LANCL2: variants seen among roughly 807,000 people sequenced by gnomAD.
The protein encoded by LANCL2 is lanC-like protein 2.
LANCL2 carries 33 observed loss-of-function variants against 56.9 expected under a neutral mutation model. That is an observed-to-expected ratio of 0.58 (90% CI 0.44 to 0.78). LANCL2 has a LOEUF of 0.78. Among genes scored for constraint, LANCL2 ranks in the 30% least tolerant of loss-of-function variants. The pLI is 0.00. For missense variants in LANCL2, 562 were observed against 580.2 expected, an observed-to-expected ratio of 0.97 and a Z score of 0.32; for synonymous variants, 233 against 228.2, an observed-to-expected ratio of 1.02 and a Z score of -0.19.
intron 5 of LANCL2, among the ~76,000 whole-genome samples, chr7:55,404,015 G>C (rs1356832979): frequency 6.6e-6 from 1 of 152,172 alleles, no homozygotes. Flanking sequence ...CTTGCTGTCA[G>C]TTGTCTTCTG....
rs1424081264 is a variant in LANCL2 at position 55,432,404 on chromosome 7, C to T, written c.*1084C>T. ...ATGAGAAACATAATGTTCTAACCAA[C>T]AACATTATGGTATTTGTGTGACTTT... On this transcript the variant is annotated 3_prime_UTR_variant, in exon 9 of 9. Transcript: ENST00000254770. The T allele has an allele frequency of 2.0e-5, 3 of 152,186 alleles. No homozygotes were observed. Among genetic ancestry groups the T allele is most frequent in the Non-Finnish European group, 4.4e-5 (3 of 68,024 alleles). The allele number at this position is 152,186 out of a possible 1,614,324, so 9.4% of individuals were successfully genotyped here. A position where few individuals can be genotyped will look rare whatever the true frequency, so the allele number is the denominator to read the frequency against.
intron 2 of LANCL2, among the ~76,000 whole-genome samples, chr7:55,392,869 T>C (rs1459789393): frequency 1.3e-5 from 2 of 152,214 alleles, no homozygotes. Context: ...AAGGATTCTT[T>C]GCTGCTCTGG....
intron 1 of LANCL2, among the ~76,000 whole-genome samples, chr7:55,380,077 A>G (rs1790049440): frequency 6.6e-6 from 1 of 152,260 alleles, no homozygotes; most frequent in Non-Finnish European, 1.5e-5. Context: ...ATTACCTTGA[A>G]TAACATTTAA....
At chr7:55,416,586 CTT>C (rs1644318913) in intron 6 of LANCL2, among the ~76,000 whole-genome samples, 1 of 151,962 alleles carries the variant, frequency 6.6e-6, no homozygotes, top group South Asian at 2.1e-4. Context: ...CAGCCTGTCT[CTT>C]CGTGTGTTTT....
chr7:55,414,057 AATT>A (rs1242577007), intron 6 of LANCL2, among the ~76,000 whole-genome samples: 1 of 152,236 alleles, frequency 6.6e-6, no homozygotes, highest in Non-Finnish European at 1.5e-5. Context: ...AAATATGTAC[AATT>A]ATTATATATC....
At chr7:55,400,267 C>T (rs932648911) in intron 4 of LANCL2, among the ~76,000 whole-genome samples, 163 bp downstream of exon 4, 3 of 151,952 alleles carry the variant, frequency 2.0e-5, no homozygotes, top group African/African-American at 7.2e-5. Flanking sequence ...GGAACATTAA[C>T]AAAAAAAATC....
chr7:55,413,352 T>C (rs1790491875), intron 6 of LANCL2, among the ~76,000 whole-genome samples: 1 of 152,186 alleles, frequency 6.6e-6, no homozygotes, highest in Non-Finnish European at 1.5e-5. Context: ...AAAACAAATA[T>C]ATAATTGCTA....
intron 5 of LANCL2, among the ~76,000 whole-genome samples, chr7:55,411,186 T>C (rs1790466367): frequency 6.6e-6 from 1 of 152,256 alleles, no homozygotes; most frequent in African/African-American, 2.4e-5. Flanking sequence ...CATGGGAAGC[T>C]GTACAGTAAC....
intron 6 of LANCL2, among the ~76,000 whole-genome samples, chr7:55,418,086 C>G (rs1723884): frequency 0.89 from 135,415 of 151,944 alleles, 60,736 homozygotes; most frequent in African/African-American, 0.97. Context: ...AGTTTTTGCT[C>G]TACAGGTCTT....
chr7:55,408,033 C>T (rs1790429949), intron 5 of LANCL2, among the ~76,000 whole-genome samples: 1 of 152,070 alleles, frequency 6.6e-6, no homozygotes, highest in East Asian at 1.9e-4. Flanking sequence ...GAAATAAAAA[C>T]AAAGAGAAAG....
Position 55,400,036 on chromosome 7 carries a change from C to G in LANCL2, c.610C>G (p.Leu204Val). 6.2e-7 allele frequency: 1 copy of G among 1,613,864 alleles called. No homozygotes were observed. Among genetic ancestry groups the G allele is most frequent in the South Asian group, 1.1e-5 (1 of 91,072 alleles). The change falls in exon 4 of 9, where the codon CTG becomes GTG. Residue 204 changes from leucine (L) to valine (V), a missense_variant. Transcript: ENST00000254770. ...DELLYGRAGY[L>V]YALLYLNTEI... ...GCTGCTTTATGGACGGGCAGGTTAT[C>G]TGTATGCCTTACTGTACCTGAACAC... is the stretch of plus-strand genomic sequence containing the variant.
chr7:55,431,435 C>A lies in LANCL2; in HGVS notation c.*115C>A, dbSNP rs1790726488. 1.5e-6 allele frequency: 1 copy of A among 686,052 alleles called. No homozygotes were observed. The highest frequency in any genetic ancestry group is 2.4e-6 in the Non-Finnish European group (1 of 410,056). 42.5% of individuals were successfully genotyped at this position (686,052 alleles called of 1,614,324 possible). A position where few individuals can be genotyped will look rare whatever the true frequency, so the allele number is the denominator to read the frequency against. ...AAGAGAAGCAGACACCGTCACAGGCCCCTCTGGTTAGACTAGCATGAGTGA... is the reference window on the plus strand; with the variant it reads ...AAGAGAAGCAGACACCGTCACAGGCACCTCTGGTTAGACTAGCATGAGTGA... On this transcript the variant is annotated 3_prime_UTR_variant, in exon 9 of 9. Coordinates refer to ENST00000254770, the MANE Select transcript of LANCL2 (RefSeq NM_018697.4).
At chr7:55,412,726 T>C (rs1487551405) in intron 6 of LANCL2, among the ~76,000 whole-genome samples, 1 of 152,258 alleles carries the variant, frequency 6.6e-6, no homozygotes, top group Non-Finnish European at 1.5e-5. Context: ...TTTTATAATT[T>C]TATTTTGTAT....
chr7:55,402,546 C>CG (rs556080978), intron 5 of LANCL2, among the ~76,000 whole-genome samples: 84 of 133,930 alleles, frequency 6.3e-4, no homozygotes, highest in African/African-American at 2.4e-3. Context: ...GCTTGCCGGG[C>CG]GGGGGGCTGA....
intron 1 of LANCL2, among the ~76,000 whole-genome samples, chr7:55,378,926 A>G (rs1010856454): frequency 6.6e-6 from 1 of 152,150 alleles, no homozygotes; most frequent in African/African-American, 2.4e-5. Flanking sequence ...AGGTCAGGAG[A>G]TCGAGACCAT....
At chr7:55,378,647 A>G (rs1254685233) in intron 1 of LANCL2, among the ~76,000 whole-genome samples, 1 of 152,208 alleles carries the variant, frequency 6.6e-6, no homozygotes, top group Non-Finnish European at 1.5e-5. Context: ...GAATTACAGC[A>G]TAATAAATTT....
In LANCL2 at chr7:55,428,398, C is replaced by T. The variant is rs1415224247; in HGVS notation, c.1209C>T (p.Tyr403=). ...AGTTTGCAGAGTGGTGTCTAGATTACGGAGCACACGGGTGCCGCATTCCTG... is the reference window on the plus strand; with the variant it reads ...AGTTTGCAGAGTGGTGTCTAGATTATGGAGCACACGGGTGCCGCATTCCTG... ...ACKFAEWCLD[Y]GAHGCRIPDR... The change falls in exon 8 of 9, where the codon TAC becomes TAT. Residue 403 remains tyrosine, a synonymous_variant. Coordinates refer to ENST00000254770, the MANE Select transcript of LANCL2 (RefSeq NM_018697.4). The T allele has an allele frequency of 1.1e-5, 17 of 1,614,100 alleles. No homozygotes were observed. Among genetic ancestry groups the T allele is most frequent in the Non-Finnish European group, 1.4e-5 (16 of 1,179,930 alleles).
At chr7:55,396,297 T>G (rs1265712206) in intron 2 of LANCL2, among the ~76,000 whole-genome samples, 2 of 151,834 alleles carry the variant, frequency 1.3e-5, no homozygotes, top group Non-Finnish European at 2.9e-5. Flanking sequence ...TTCTCATAGG[T>G]TCGGGGGAAG....
At chr7:55,387,220 A>G (rs1467192939) in intron 1 of LANCL2, among the ~76,000 whole-genome samples, 1 of 152,180 alleles carries the variant, frequency 6.6e-6, no homozygotes, top group Non-Finnish European at 1.5e-5. Flanking sequence ...TAGCAGGGGA[A>G]CACATGACTC....
Sources: gnomAD v4.1 joint callset for allele counts (sites outside exome capture counted in the v4.1 genomes callset) on GRCh38, gnomAD v4.1.1 for gene constraint, MANE v1.5 for transcripts, NCBI Gene and HGNC (gene_info 2026-07-23, HGNC 2026-07-21) for gene names.